The following ARHGAP24 variants were observed in gnomAD, a reference collection of about 807,000 sequenced individuals.
ARHGAP24 encodes rho GTPase-activating protein 24.
Under a neutral mutation model 76.4 loss-of-function variants are expected in ARHGAP24, and 50 were observed. That is an observed-to-expected ratio of 0.65 (90% CI 0.52 to 0.83). ARHGAP24 has a LOEUF of 0.83. Ranked by LOEUF, ARHGAP24 falls within the 40% of genes least tolerant of loss-of-function variation. ARHGAP24 has a pLI of 0.00. For synonymous variants in ARHGAP24, 345 were observed against 323.3 expected, an observed-to-expected ratio of 1.07 and a Z score of -0.72; for missense variants, 930 against 914.2, an observed-to-expected ratio of 1.02 and a Z score of -0.22.
chr4:85,842,278 T>C (rs1268332525), intron 3 of ARHGAP24, among the ~76,000 whole-genome samples: 2 of 152,214 alleles, frequency 1.3e-5, no homozygotes, highest in African/African-American at 2.4e-5. Flanking sequence ...CAATCATTTC[T>C]ATGAATTTGG....
intron 3 of ARHGAP24, among the ~76,000 whole-genome samples, chr4:85,761,606 A>T (rs1325610197): frequency 3.9e-5 from 6 of 152,210 alleles, no homozygotes; most frequent in Admixed American, 1.3e-4. Flanking sequence ...TATTTTAAGG[A>T]AGAGAAAATC....
chr4:85,587,534 T>TG (rs1055458762), intron 2 of ARHGAP24, among the ~76,000 whole-genome samples: 4 of 152,170 alleles, frequency 2.6e-5, no homozygotes, highest in African/African-American at 9.7e-5. Context: ...TGAATTTGGG[T>TG]GGGGGGCTTA....
intron 3 of ARHGAP24, among the ~76,000 whole-genome samples, chr4:85,862,855 C>T (rs951833878): frequency 6.6e-6 from 1 of 152,134 alleles, no homozygotes; most frequent in African/African-American, 2.4e-5. Context: ...TATTTCACAT[C>T]TTCCTACTTT....
chr4:85,911,559 G>A (rs1735086838), intron 3 of ARHGAP24, among the ~76,000 whole-genome samples: 1 of 152,182 alleles, frequency 6.6e-6, no homozygotes, highest in Non-Finnish European at 1.5e-5. Flanking sequence ...TTGCTGATAA[G>A]TGGATGCTTA....
rs368519687 is a variant in ARHGAP24, at chr4:85,685,429, G to A, written c.181-36456G>A. Among the ~76,000 whole-genome samples the A allele has an allele frequency of 2.6e-4, 40 of 152,108 alleles. No individual in the cohort carries two copies. In the East Asian group the frequency reaches 6.4e-3, roughly 24 times the overall value. On this transcript the variant is annotated intron_variant, in intron 2 of 9. Coordinates refer to ENST00000395184, the MANE Select transcript of ARHGAP24 (RefSeq NM_001025616.3). ...AGGTGGATCATGAGGTCAGGAGATC[G>A]AGACCATCCTGGCTAACATGGTGAA...
chr4:85,856,195 C>G (rs1731547755), intron 3 of ARHGAP24, among the ~76,000 whole-genome samples: 1 of 152,052 alleles, frequency 6.6e-6, no homozygotes, highest in Non-Finnish European at 1.5e-5. Context: ...TTTGAATTCA[C>G]ATTTCTCTGA....
At chr4:85,997,351 GATA>G (rs1193800983) in intron 9 of ARHGAP24, among the ~76,000 whole-genome samples, 42 of 149,888 alleles carry the variant, frequency 2.8e-4, no homozygotes, top group Middle Eastern at 3.4e-3. Flanking sequence ...TAGAGAGATA[GATA>G]ATAGATAGAT....
chr4:85,559,310 T>C (rs947487317), intron 1 of ARHGAP24, among the ~76,000 whole-genome samples: 1 of 152,232 alleles, frequency 6.6e-6, no homozygotes, highest in African/African-American at 2.4e-5. Flanking sequence ...ATTATATACA[T>C]TGGTCATGTA....
At chr4:85,843,439 A>T (rs1017549032) in intron 3 of ARHGAP24, among the ~76,000 whole-genome samples, 9 of 152,086 alleles carry the variant, frequency 5.9e-5, no homozygotes, top group African/African-American at 1.9e-4. Flanking sequence ...TCAACTCATA[A>T]TAGGAAAAAT....
At chr4:85,853,205 G>A (rs1460520613) in intron 3 of ARHGAP24, among the ~76,000 whole-genome samples, 1 of 152,222 alleles carries the variant, frequency 6.6e-6, no homozygotes, top group Non-Finnish European at 1.5e-5. Flanking sequence ...CCCCAGCCAG[G>A]CTGCCGCCTG....
intron 4 of ARHGAP24, among the ~76,000 whole-genome samples, chr4:85,940,295 C>A (rs969080429): frequency 1.3e-5 from 2 of 151,996 alleles, no homozygotes; most frequent in African/African-American, 2.4e-5. Flanking sequence ...TCAGCCTCAG[C>A]ATGTCTGTTA....
chr4:85,516,573 A>C (rs1424589617), intron 1 of ARHGAP24, among the ~76,000 whole-genome samples: 1 of 151,936 alleles, frequency 6.6e-6, no homozygotes, highest in Non-Finnish European at 1.5e-5. Flanking sequence ...TTTAAGGGCC[A>C]AGAAATTTGT....
intron 3 of ARHGAP24, among the ~76,000 whole-genome samples, chr4:85,895,000 G>GAAAAAAAAAAA (rs1560701790): frequency 4.2e-5 from 2 of 47,990 alleles, no homozygotes; most frequent in African/African-American, 7.6e-5. Context: ...AAAACAAAAA[G>GAAAAAAAAAAA]CAAAAAAAAA....
At chr4:85,714,167 A>C (rs1289250677) in intron 2 of ARHGAP24, among the ~76,000 whole-genome samples, 1 of 152,200 alleles carries the variant, frequency 6.6e-6, no homozygotes, top group African/African-American at 2.4e-5. Flanking sequence ...TCATGCAGGA[A>C]AACTCTATCT....
intron 1 of ARHGAP24, among the ~76,000 whole-genome samples, chr4:85,569,299 T>C (rs1726980225): frequency 6.6e-6 from 1 of 152,218 alleles, no homozygotes; most frequent in South Asian, 2.1e-4. Context: ...ATAATCAATA[T>C]CTTTATAACC....
At chr4:85,930,886 T>C (rs751029175) in intron 4 of ARHGAP24, 3 of 1,611,014 alleles carry the variant, frequency 1.9e-6, no homozygotes, top group African/African-American at 1.3e-5. Context: ...CAGAGGCAGG[T>C]TTTAAAGGAA....
chr4:85,806,571 A>T (rs1321560583), intron 3 of ARHGAP24, among the ~76,000 whole-genome samples: 6 of 151,794 alleles, frequency 4.0e-5, no homozygotes, highest in Admixed American at 3.9e-4. Context: ...CCTATGACAT[A>T]TTTTTTTAAT....
At chr4:85,812,308 A>G (rs1460750601) in intron 3 of ARHGAP24, among the ~76,000 whole-genome samples, 1 of 152,242 alleles carries the variant, frequency 6.6e-6, no homozygotes, top group East Asian at 1.9e-4. Context: ...ATTACTTGAT[A>G]ATAACTAATT....
intron 5 of ARHGAP24, among the ~76,000 whole-genome samples, chr4:85,950,413 T>C (rs1011368990): frequency 6.6e-6 from 1 of 151,820 alleles, no homozygotes. Flanking sequence ...GGCAGGAGGA[T>C]CACTTGAGCC....
Sources: allele counts gnomAD v4.1 joint callset (sites outside exome capture counted in the v4.1 genomes callset), GRCh38; gene constraint gnomAD v4.1.1; transcripts MANE v1.5; gene names NCBI Gene and HGNC (gene_info 2026-07-23, HGNC 2026-07-21).